LBHD1: variants seen among roughly 807,000 people sequenced by gnomAD.
LBHD1 encodes LBH domain containing 1.
In LBHD1, 28 loss-of-function variants were observed where a neutral mutation model predicts 31.1. The observed-to-expected ratio is 0.90, with a 90% CI of 0.67 to 1.24. LBHD1 has a LOEUF of 1.24. Among genes scored for constraint, LBHD1 ranks in the 50% most tolerant of loss-of-function variants. The pLI is 0.00. For missense variants in LBHD1, 350 were observed against 323.0 expected, an observed-to-expected ratio of 1.08 and a Z score of -0.64; for synonymous variants, 105 against 116.5, an observed-to-expected ratio of 0.90 and a Z score of 0.63.
intron 1 of LBHD1, 141 bp from the exon 2 acceptor site, chr11:62,670,182 A>T: frequency 1.2e-6 from 1 of 836,902 alleles, no homozygotes; most frequent in Non-Finnish European, 1.8e-6. Context: ...GGGGAGGGGA[A>T]AATGCCCAAG....
rs535650240 is a variant in LBHD1 at position 62,672,246 on chromosome 11, C to G, written c.-693G>C. The G allele has an allele frequency of 4.8e-5, 47 of 970,974 alleles. No homozygotes were observed. Among genetic ancestry groups the G allele is most frequent in the Non-Finnish European group, 7.1e-5 (47 of 664,572 alleles). The allele number at this position is 970,974 out of a possible 1,614,324, so 60.1% of individuals were successfully genotyped here. A position where few individuals can be genotyped will look rare whatever the true frequency, so the allele number is the denominator to read the frequency against. ...CCAGGACTCTCCGGGGTCCTGTGAG[C>G]TGCCGTCGGGTGAGCACGTTTCCCC... On this transcript the variant is annotated 5_prime_UTR_variant, in exon 1 of 7. Transcript: ENST00000354588.
At position 62,671,862 on chromosome 11, in the gene LBHD1, A is replaced by G. The variant is rs1944951918; in HGVS notation, c.-309T>C. On this transcript the variant is annotated 5_prime_UTR_variant, in exon 1 of 7. Coordinates refer to ENST00000354588, the MANE Select transcript of LBHD1 (RefSeq NM_024099.5). Reference sequence around the variant, plus strand: ...GAGAGCGGCGGAAGCAGGAAATGCTAAAGGTAGAAGCAACTGGTAGTCCCG... The same window carrying G: ...GAGAGCGGCGGAAGCAGGAAATGCTGAAGGTAGAAGCAACTGGTAGTCCCG... The G allele has an allele frequency of 6.2e-7, 1 of 1,614,020 alleles. No individual in the cohort carries two copies.
Position 62,669,805 on chromosome 11 carries a change from T to C in LBHD1, c.151-2A>G, listed in dbSNP as rs1321772520. Reference sequence around the variant, plus strand: ...CAGATGGGACTTTTGAGAGAAATCCTGAATAGGGACAGCAGGGAGGTTGGG... The same window carrying C: ...CAGATGGGACTTTTGAGAGAAATCCCGAATAGGGACAGCAGGGAGGTTGGG... On this transcript the variant is annotated splice_acceptor_variant, in intron 2 of 6. Transcript: ENST00000354588. LOFTEE classifies it high-confidence loss of function. The C allele has an allele frequency of 6.2e-7, 1 of 1,614,214 alleles. No homozygotes were observed. The highest frequency in any genetic ancestry group is 1.1e-5 in the South Asian group (1 of 91,090).
chr11:62,666,521 C>T, intron 4 of LBHD1: 2 of 1,614,168 alleles, frequency 1.2e-6, no homozygotes, highest in East Asian at 4.5e-5. Flanking sequence ...GGGGCTCCTA[C>T]TGCCATTGCT....
chr11:62,669,019 C>T (rs982291787), intron 3 of LBHD1, among the ~76,000 whole-genome samples: 2 of 151,402 alleles, frequency 1.3e-5, no homozygotes, highest in African/African-American at 2.4e-5. Context: ...CTCCACATCC[C>T]GGGTTCACGC....
Position 62,665,473 on chromosome 11 carries a change from C to A in LBHD1, c.539-500G>T, listed in dbSNP as rs751737128. On this transcript the variant is annotated intron_variant, in intron 4 of 6. Transcript: ENST00000354588. The stretch of plus-strand genomic sequence containing the variant: ...TTGTGGTGCCGCTCCCCGTAATGTA[C>A]GGAGGAAGAGGGAAAGGGCTCTGGC... The A allele has an allele frequency of 3.2e-6, 5 of 1,574,488 alleles. No homozygotes were observed. The South Asian group carries it at 3.4e-5, about 11-fold the overall frequency.
At chr11:62,671,515 A>G in intron 1 of LBHD1, 49 bp downstream of exon 1, 2 of 1,398,648 alleles carry the variant, frequency 1.4e-6, no homozygotes, top group Non-Finnish European at 1.9e-6. Context: ...CCCCGCGCTC[A>G]GCCCTTGGTG....
chr11:62,671,694 C>T lies in LBHD1; in HGVS notation c.-141G>A. The T allele has an allele frequency of 8.1e-6, 13 of 1,603,450 alleles. No individual in the cohort carries two copies. The South Asian group carries it at 1.2e-4, about 15-fold the overall frequency. On this transcript the variant is annotated 5_prime_UTR_variant, in exon 1 of 7. Coordinates refer to ENST00000354588, the MANE Select transcript of LBHD1 (RefSeq NM_024099.5). Reference sequence around the variant, plus strand: ...GGGTAGTGAGACCGCGCGGCAACAGCTTGCGGCTGCGGGGAGCTCCCGTGG... The same window carrying T: ...GGGTAGTGAGACCGCGCGGCAACAGTTTGCGGCTGCGGGGAGCTCCCGTGG...
At chr11:62,666,453 A>G in intron 4 of LBHD1, 2 of 1,613,418 alleles carry the variant, frequency 1.2e-6, no homozygotes, top group East Asian at 2.2e-5. Context: ...CTGCATGCCC[A>G]GCCTCGTTTG....
chr11:62,670,971 C>T, intron 1 of LBHD1: 1 of 218,504 alleles, frequency 4.6e-6, no homozygotes, highest in Non-Finnish European at 9.6e-6. Flanking sequence ...TGGTGGTGCA[C>T]GCCTGTAATC....
chr11:62,669,136 G>T (rs573830924), intron 3 of LBHD1, among the ~76,000 whole-genome samples: 1 of 152,148 alleles, frequency 6.6e-6, no homozygotes, highest in Non-Finnish European at 1.5e-5. Flanking sequence ...TAGCCAGGAT[G>T]GTCTCGATCT....
chr11:62,665,177 A>G (rs775826085), intron 4 of LBHD1: 7 of 851,264 alleles, frequency 8.2e-6, no homozygotes, highest in Non-Finnish European at 1.2e-5. Context: ...CATAGTCGCG[A>G]TTCCACTCCA....
intron 4 of LBHD1, chr11:62,665,405 G>A (rs1172096665): frequency 7.2e-7 from 1 of 1,379,796 alleles, no homozygotes; most frequent in South Asian, 1.2e-5. Context: ...GGAAGGCTCT[G>A]GGCGGGGTCT....
intron 4 of LBHD1, chr11:62,666,508 C>T (rs1259188446): frequency 6.2e-7 from 1 of 1,614,024 alleles, no homozygotes; most frequent in Non-Finnish European, 8.5e-7. Context: ...ACGACGAAGT[C>T]CAGGGGCTCC....
chr11:62,666,424 C>A, intron 4 of LBHD1: 1 of 1,611,760 alleles, frequency 6.2e-7, no homozygotes, highest in African/African-American at 1.3e-5. Flanking sequence ...GCCTGGCGGA[C>A]CGCTGTCTCT....
At chr11:62,666,388 G>A (rs1485681378) in intron 4 of LBHD1, 2 of 1,606,942 alleles carry the variant, frequency 1.2e-6, no homozygotes, top group Admixed American at 3.3e-5. Context: ...CTCCAACCGT[G>A]CCCACAGGCT....
At chr11:62,665,229 C>A (rs1452549238) in intron 4 of LBHD1, 2 of 777,024 alleles carry the variant, frequency 2.6e-6, no homozygotes, top group East Asian at 5.3e-5. Context: ...ATCCGCGGGG[C>A]TCCGCCCCGG....
In LBHD1 at chr11:62,669,648, T is replaced by C; in HGVS notation, c.306A>G (p.Glu102=). ...DAEAFFQDQS[E]EPGWAWSPQD... ...ATGAGCCACCTCCCTCACCTGGCTC[T>C]TCACTTTGGTCTTGGAAGAAGGCCT... is the stretch of plus-strand genomic sequence containing the variant. The change falls in exon 3 of 7, where the codon GAA becomes GAG. Residue 102 remains glutamate (E), a synonymous_variant. Transcript: ENST00000354588. 2 of 1,613,098 alleles carry C rather than the reference T, an allele frequency of 1.2e-6. No individual in the cohort carries two copies. The highest frequency in any genetic ancestry group is 8.5e-7 in the Non-Finnish European group (1 of 1,179,426).
chr11:62,666,644 G>A lies in LBHD1; in HGVS notation c.538+879C>T, dbSNP rs753626421. On this transcript the variant is annotated intron_variant, in intron 4 of 6. Coordinates refer to ENST00000354588, the MANE Select transcript of LBHD1 (RefSeq NM_024099.5). ...TCCACACCCAGTGGATGTGCTGGGG[G>A]TGGACTTTTCTCCTGTGGCTGTGGC... 6 of 1,614,064 alleles carry A rather than the reference G, an allele frequency of 3.7e-6. No homozygotes were observed. The East Asian group carries it at 6.7e-5, about 18-fold the overall frequency.
Sources: allele counts gnomAD v4.1 joint callset (sites outside exome capture counted in the v4.1 genomes callset), GRCh38; gene constraint gnomAD v4.1.1; transcripts MANE v1.5; gene names NCBI Gene and HGNC (gene_info 2026-07-23, HGNC 2026-07-21).